The following LIAT1 variants were observed in gnomAD, a reference collection of about 807,000 sequenced individuals.
LIAT1 encodes the protein protein LIAT1.
chr17:413,957 G>C, the LIAT1 span: 1 of 1,611,636 alleles, frequency 6.2e-7, no homozygotes, highest in Non-Finnish European at 8.5e-7. Context: ...CCCCAATGCC[G>C]AGGAGGCCCC....
chr17:414,273 G>A, the LIAT1 span: 1 of 898,652 alleles, frequency 1.1e-6, no homozygotes, highest in Non-Finnish European at 1.7e-6. The surrounding 1 kb of genome is among the most constrained non-coding windows in gnomAD (Gnocchi z 4.1). Context: ...GCTGCCCTCG[G>A]TTGCCCAGGA....
the LIAT1 span, chr17:413,327 C>T: frequency 1.2e-6 from 2 of 1,614,268 alleles, no homozygotes; most frequent in Non-Finnish European, 1.7e-6. Context: ...AATAGAGAAC[C>T]TTGCGAATCG....
chr17:413,831 A>G, the LIAT1 span: 27,472 of 721,438 alleles, frequency 0.038, 803 homozygotes, highest in African/African-American at 0.15. Flanking sequence ...CCCCGACCCC[A>G]AGGCCCTCAA....
the LIAT1 span, chr17:414,322 C>G: frequency 1.7e-6 from 1 of 586,246 alleles, no homozygotes; most frequent in Non-Finnish European, 3.0e-6. This position sits in a 1 kb window ranked among gnomAD's most constrained non-coding sequence, Gnocchi z 4.1. Context: ...ATTTAGTGAA[C>G]AGAGTTCTTT....
the LIAT1 span, chr17:414,344 T>C: frequency 1.8e-6 from 1 of 540,588 alleles, no homozygotes; most frequent in Non-Finnish European, 3.2e-6. The surrounding 1 kb of genome is among the most constrained non-coding windows in gnomAD (Gnocchi z 4.1). Context: ...CAGAATTTCC[T>C]TTTTCTTAAG....
the LIAT1 span, among the ~76,000 whole-genome samples, chr17:411,554 C>T: frequency 6.6e-6 from 1 of 152,128 alleles, no homozygotes; most frequent in South Asian, 2.1e-4. Context: ...AACAAGAAAA[C>T]TAAAGCACAG....
At chr17:411,861 C>A in the LIAT1 span, among the ~76,000 whole-genome samples, 1 of 152,184 alleles carries the variant, frequency 6.6e-6, no homozygotes, top group African/African-American at 2.4e-5. Context: ...CCCGTGTGGT[C>A]CACCTCAGTG....
At chr17:411,026 A>G in the LIAT1 span, among the ~76,000 whole-genome samples, 2 of 152,128 alleles carry the variant, frequency 1.3e-5, no homozygotes, top group African/African-American at 4.8e-5. Flanking sequence ...AAACACATTG[A>G]TGCCACATGA....
the LIAT1 span, chr17:413,066 A>G: frequency 2.0e-6 from 3 of 1,526,442 alleles, no homozygotes; most frequent in East Asian, 2.3e-5. Context: ...CTCCTCTTCC[A>G]TCTTGGGTGA....
At chr17:413,987 T>A in the LIAT1 span, 4 of 1,613,384 alleles carry the variant, frequency 2.5e-6, no homozygotes, top group South Asian at 4.4e-5. Context: ...ACCCTACCTC[T>A]CGGACAAAGA....
At chr17:413,004 C>T in the LIAT1 span, 44 of 827,216 alleles carry the variant, frequency 5.3e-5, no homozygotes, top group East Asian at 2.5e-4. Context: ...CAGGTGGGCA[C>T]GAGGCTGGTG....
the LIAT1 span, among the ~76,000 whole-genome samples, chr17:412,432 T>C: frequency 2.6e-5 from 4 of 152,158 alleles, no homozygotes; most frequent in Non-Finnish European, 5.9e-5. Context: ...CACCAGATAG[T>C]TTCCAGGGCG....
chr17:410,610 AGG>A, the LIAT1 span: 2 of 1,544,142 alleles, frequency 1.3e-6, no homozygotes, highest in Non-Finnish European at 1.7e-6. Flanking sequence ...GAAGAAAAAA[AGG>A]AAGAAGAAGA....
At chr17:414,070 C>A in the LIAT1 span, 1 of 1,614,142 alleles carries the variant, frequency 6.2e-7, no homozygotes, top group Non-Finnish European at 8.5e-7. This position sits in a 1 kb window ranked among gnomAD's most constrained non-coding sequence, Gnocchi z 4.1. Flanking sequence ...GAAACCTTAC[C>A]CCAAAGCTTC....
chr17:410,556 C>G, the LIAT1 span: 2 of 1,546,904 alleles, frequency 1.3e-6, no homozygotes, highest in East Asian at 2.4e-5. Flanking sequence ...TAGACTGCCC[C>G]CCATCACAGG....
chr17:413,331 C>T, the LIAT1 span: 14 of 1,614,112 alleles, frequency 8.7e-6, no homozygotes, highest in Admixed American at 3.3e-5. Context: ...GAGAACCTTG[C>T]GAATCGGATC....
chr17:413,914 C>T, the LIAT1 span: 91 of 1,608,764 alleles, frequency 5.7e-5, no homozygotes, highest in African/African-American at 1.0e-3. Flanking sequence ...GCTTCCACCC[C>T]GACCCCGAGG....
the LIAT1 span, chr17:410,437 A>C: frequency 6.5e-7 from 1 of 1,538,676 alleles, no homozygotes; most frequent in South Asian, 1.2e-5. Context: ...GTTGGGTTGC[A>C]GCCCAGCGGG....
the LIAT1 span, among the ~76,000 whole-genome samples, chr17:412,234 G>A: frequency 3.3e-5 from 5 of 152,002 alleles, no homozygotes; most frequent in Admixed American, 2.0e-4. Flanking sequence ...CCTGAGAGGC[G>A]GAGGTTGCAG....
Sources: allele counts gnomAD v4.1 joint callset (sites outside exome capture counted in the v4.1 genomes callset), GRCh38; gene constraint gnomAD v4.1.1; non-coding constraint Gnocchi (gnomAD v3.1); transcripts MANE v1.5; gene names NCBI Gene and HGNC (gene_info 2026-07-23, HGNC 2026-07-21).